TADA1: variants seen among roughly 807,000 people sequenced by gnomAD.
The protein encoded by TADA1 is transcriptional adapter 1.
A neutral mutation model predicts 39.3 loss-of-function variants in TADA1; 23 were observed. That is an observed-to-expected ratio of 0.58 (90% CI 0.42 to 0.83). The LOEUF (loss-of-function observed/expected upper bound fraction) is 0.83, where lower values mean the gene tolerates loss of function less well. TADA1 is among the 40% of genes least tolerant of loss of function. The pLI, the probability that TADA1 is intolerant of heterozygous loss-of-function variation, is 0.00. For synonymous variants in TADA1, 137 were observed against 151.8 expected (o/e 0.90, Z 0.72); for missense variants, 352 against 408.1 (o/e 0.86, Z 1.18).
intron 3 of TADA1, among the ~76,000 whole-genome samples, chr1:166,864,427 T>C (rs1262307087): frequency 6.6e-6 from 1 of 152,092 alleles, no homozygotes. Context: ...ATAGAAGCTG[T>C]AACCTAGGCT....
intron 6 of TADA1, 57 bp downstream of exon 6, chr1:166,860,129 G>C: frequency 1.3e-6 from 2 of 1,506,318 alleles, no homozygotes; most frequent in Non-Finnish European, 1.8e-6. Context: ...TGGTCTATAA[G>C]AGGAGTATAA....
At chr1:166,866,933 C>T (rs575661917) in intron 3 of TADA1, among the ~76,000 whole-genome samples, 3 of 151,920 alleles carry the variant, frequency 2.0e-5, no homozygotes, top group Admixed American at 6.6e-5. Flanking sequence ...TTAGTAGTGA[C>T]GGGGTTTCAC....
rs1658306472 is a variant in TADA1, at chr1:166,857,584, C to T, written c.991G>A (p.Gly331Arg). Residue 331 changes from glycine (G) to arginine (R), a missense_variant, in exon 8 of 8, where the codon GGG becomes AGG. Around this residue, in one of 3 missense-constraint regions of TADA1, gnomAD observed 285 missense variants for 310.9 expected, o/e 0.92. Coordinates refer to ENST00000367874, the MANE Select transcript of TADA1 (RefSeq NM_053053.4). Reference sequence around the variant, plus strand: ...ATCCTAATTTAGCACAGCAAAAGCCCCTCCTTGGCTGCCAAGCGCTGGCGG... The same window carrying T: ...ATCCTAATTTAGCACAGCAAAAGCCTCTCCTTGGCTGCCAAGCGCTGGCGG... Reference protein sequence around the residue: ...VHRQRLAAKEGLLLC With the variant: ...VHRQRLAAKERLLLC 2 of 1,613,986 alleles carry T rather than the reference C, an allele frequency of 1.2e-6. No individual in the cohort carries two copies. Among genetic ancestry groups the T allele is most frequent in the Non-Finnish European group, 1.7e-6 (2 of 1,180,016 alleles).
intron 1 of TADA1, among the ~76,000 whole-genome samples, chr1:166,875,246 A>C (rs1488195063): frequency 1.3e-5 from 2 of 152,222 alleles, no homozygotes; most frequent in African/African-American, 4.8e-5. Context: ...GAAAATTTCC[A>C]AACTCTTCCT....
chr1:166,875,182 G>T (rs1035417618), intron 1 of TADA1, among the ~76,000 whole-genome samples: 14 of 152,178 alleles, frequency 9.2e-5, no homozygotes, highest in African/African-American at 3.4e-4. Flanking sequence ...AATTTTAAAC[G>T]TTTATATTTG....
chr1:166,863,113 T>C (rs1305867021), intron 4 of TADA1: 7 of 152,510 alleles, frequency 4.6e-5, no homozygotes, highest in African/African-American at 1.4e-4. Context: ...CTGTTTGAAA[T>C]TGATATTATG....
chr1:166,860,322 T>A lies in TADA1; in HGVS notation c.556A>T (p.Ile186Leu), dbSNP rs554005341. The change falls in exon 6 of 8, where the codon ATA becomes TTA. Residue 186 changes from isoleucine to leucine, a missense_variant. By Grantham distance (5) the Ile-to-Leu change is conservative (BLOSUM62 2). This residue lies in a region of TADA1 where 285 missense variants were observed against 310.9 expected (regional missense o/e 0.92). Coordinates refer to ENST00000367874, the MANE Select transcript of TADA1 (RefSeq NM_053053.4). ...VYAVENHLKD[I>L]LTSVVSRRKA... ...CTTCTTGACACAACTGACGTCAGTA[T>A]ATCTTTAAGGTGATTCTGTAAACAT... The A allele has an allele frequency of 2.5e-6, 4 of 1,610,098 alleles. No homozygotes were observed.
intron 3 of TADA1, among the ~76,000 whole-genome samples, chr1:166,866,488 T>A (rs1426025299): frequency 6.6e-6 from 1 of 152,134 alleles, no homozygotes. Flanking sequence ...AAACAACCCA[T>A]CCAAAATTGT....
chr1:166,875,388 G>C (rs574332713), intron 1 of TADA1, among the ~76,000 whole-genome samples: 1 of 152,140 alleles, frequency 6.6e-6, no homozygotes, highest in Non-Finnish European at 1.5e-5. Context: ...AGGTCTGGCT[G>C]AGCGTCTCTG....
chr1:166,869,390 TAA>T, intron 3 of TADA1, 53 bp downstream of exon 3: 1 of 1,472,272 alleles, frequency 6.8e-7, no homozygotes, highest in Admixed American at 1.7e-5. Context: ...TAGAGAAAGC[TAA>T]AGTCTAGTGC....
At chr1:166,860,093 T>A in intron 6 of TADA1, 93 bp downstream of exon 6, 1 of 1,336,558 alleles carries the variant, frequency 7.5e-7, no homozygotes, top group Non-Finnish European at 1.0e-6. Context: ...CTTAAACCTA[T>A]GAAAACACAA....
At chr1:166,875,322 G>T (rs540561736) in intron 1 of TADA1, among the ~76,000 whole-genome samples, 29 of 152,118 alleles carry the variant, frequency 1.9e-4, no homozygotes, top group African/African-American at 7.0e-4. Context: ...TTTTACCCTT[G>T]GCCATTCTGC....
intron 5 of TADA1, 85 bp from the exon 6 acceptor site, chr1:166,860,422 G>A: frequency 1.5e-6 from 2 of 1,371,858 alleles, no homozygotes; most frequent in Non-Finnish European, 2.0e-6. Context: ...AACATTTATT[G>A]GCATTTAGAT....
intron 1 of TADA1, among the ~76,000 whole-genome samples, chr1:166,874,070 C>T (rs1488582390): frequency 2.0e-5 from 3 of 151,576 alleles, no homozygotes; most frequent in South Asian, 2.1e-4. Flanking sequence ...TGGCTGGGCG[C>T]GGTGGCTCAC....
chr1:166,869,179 CAGG>C, intron 3 of TADA1: 1 of 441,508 alleles, frequency 2.3e-6, no homozygotes, highest in African/African-American at 2.1e-5. Flanking sequence ...GAAAGGGGTT[CAGG>C]AGGTTTGGGT....
intron 1 of TADA1, among the ~76,000 whole-genome samples, chr1:166,873,353 C>T (rs1658695499): frequency 6.6e-6 from 1 of 152,204 alleles, no homozygotes; most frequent in African/African-American, 2.4e-5. Flanking sequence ...ACATGGCATT[C>T]TACTGGCTAC....
intron 6 of TADA1, among the ~76,000 whole-genome samples, chr1:166,858,973 C>T (rs1557907499): frequency 1.3e-5 from 2 of 152,226 alleles, no homozygotes; most frequent in Non-Finnish European, 2.9e-5. Context: ...GCTTGGGAGT[C>T]CCGCCAGGGC....
chr1:166,864,111 C>A (rs1658476044), intron 3 of TADA1, among the ~76,000 whole-genome samples, 190 bp from the exon 4 acceptor site: 2 of 152,042 alleles, frequency 1.3e-5, no homozygotes, highest in Non-Finnish European at 2.9e-5. Flanking sequence ...CATTTTTTTC[C>A]TAGCTGCAAC....
chr1:166,868,283 AC>A (rs1219674288), intron 3 of TADA1, among the ~76,000 whole-genome samples: 2 of 152,052 alleles, frequency 1.3e-5, no homozygotes, highest in Non-Finnish European at 2.9e-5. Flanking sequence ...GTTTCCACCT[AC>A]CCCCTCAACA....
Sources: gnomAD v4.1 joint callset for allele counts (sites outside exome capture counted in the v4.1 genomes callset) on GRCh38, gnomAD v4.1.1 for gene constraint, gnomAD v4.1.1 regional missense constraint, MANE v1.5 for transcripts, NCBI Gene and HGNC (gene_info 2026-07-23, HGNC 2026-07-21) for gene names.